Variants in SPTAN1 observed in about 807,000 individuals in gnomAD.
The protein encoded by SPTAN1 is spectrin alpha, non-erythrocytic 1.
In SPTAN1, 61 loss-of-function variants were observed where a neutral mutation model predicts 331.3. The ratio of observed to expected loss-of-function variants is 0.18; its 90% confidence interval spans 0.15 to 0.23. The LOEUF (loss-of-function observed/expected upper bound fraction) is 0.23. SPTAN1 is among the 10% of genes least tolerant of loss of function. The pLI is 1.00. For missense variants in SPTAN1, 2,043 were observed against 3,147.9 expected (o/e 0.65, Z 8.40); for synonymous variants, 1,153 against 1,173.9 (o/e 0.98, Z 0.36).
chr9:128,577,481 C>G lies in SPTAN1; in HGVS notation c.1060C>G (p.His354Asp). 1 of 1,614,096 alleles carries G rather than the reference C, an allele frequency of 6.2e-7. No individual in the cohort carries two copies. The change falls in exon 8 of 57, where the codon CAT (histidine) becomes GAT (aspartate). Residue 354 changes from histidine to aspartate, a missense_variant. Physicochemically the swap from His to Asp is moderately conservative, Grantham distance 81. Transcript: ENST00000372739. The surrounding 1 kb of genome is among the most constrained non-coding windows in gnomAD (Gnocchi z 4.2). ...GATCCGCACCTTGGCGGCAGAGAGA[C>G]ATGCACGGCTCAATGATTCATACAG... Reference protein sequence around the residue: ...EQIRTLAAERHARLNDSYRLQ... With the variant: ...EQIRTLAAERDARLNDSYRLQ...
At chr9:128,622,931 T>C (rs1858111440) in intron 45 of SPTAN1, among the ~76,000 whole-genome samples, 1 of 151,632 alleles carries the variant, frequency 6.6e-6, no homozygotes, top group Admixed American at 6.6e-5. Flanking sequence ...TTTTGTATTT[T>C]TATTAGAGAT....
At chr9:128,610,784 C>A (rs182591461) in intron 37 of SPTAN1, among the ~76,000 whole-genome samples, 126 of 152,256 alleles carry the variant, frequency 8.3e-4, no homozygotes, top group Non-Finnish European at 1.3e-3. Context: ...AAATAAATTC[C>A]TTCCTGCAGT....
intron 1 of SPTAN1, among the ~76,000 whole-genome samples, chr9:128,558,600 G>A (rs1475477608): frequency 6.6e-6 from 1 of 152,150 alleles, no homozygotes; most frequent in African/African-American, 2.4e-5. Flanking sequence ...ATTGGAGTTT[G>A]TTTTTTAATG....
chr9:128,633,377 C>G lies in SPTAN1; in HGVS notation c.*43C>G. 6.2e-7 allele frequency: 1 copy of G among 1,612,736 alleles called. No individual in the cohort carries two copies. Among genetic ancestry groups the G allele is most frequent in the Non-Finnish European group, 8.5e-7 (1 of 1,179,966 alleles). ...CCACCCCTCGCTGCTTGCCCTGCGT[C>G]GCCTTGCTGCATGTCCGCTCCTCTG... On this transcript the variant is annotated 3_prime_UTR_variant, in exon 57 of 57. Coordinates refer to ENST00000372739, the MANE Select transcript of SPTAN1 (RefSeq NM_001130438.3).
intron 29 of SPTAN1, among the ~76,000 whole-genome samples, chr9:128,604,666 T>C (rs1855590225): frequency 6.6e-6 from 1 of 152,208 alleles, no homozygotes; most frequent in Non-Finnish European, 1.5e-5. Flanking sequence ...GCGTGGTGGC[T>C]CATGCCTGTA....
intron 2 of SPTAN1, 96 bp from the exon 3 acceptor site, chr9:128,568,676 G>A: frequency 6.5e-7 from 1 of 1,540,068 alleles, no homozygotes; most frequent in Non-Finnish European, 8.9e-7. Context: ...ACTAGAGGGA[G>A]CAGGATTGAG....
At chr9:128,605,253 A>T (rs780369680) in intron 30 of SPTAN1, 43 bp from the exon 31 acceptor site, 1 of 1,613,966 alleles carries the variant, frequency 6.2e-7, no homozygotes, top group Non-Finnish European at 8.5e-7. Context: ...TCTGCAGAGC[A>T]TACCCCCTTA....
At chr9:128,615,864 A>C in intron 41 of SPTAN1, 24 bp downstream of exon 41, 1 of 1,613,286 alleles carries the variant, frequency 6.2e-7, no homozygotes, top group Non-Finnish European at 8.5e-7. Flanking sequence ...GCCCTCTAGA[A>C]GGCCCCTTAC....
chr9:128,574,004 C>T (rs144919243), intron 3 of SPTAN1, among the ~76,000 whole-genome samples: 9 of 152,304 alleles, frequency 5.9e-5, no homozygotes, highest in East Asian at 1.9e-4. Flanking sequence ...CTGCCCGCCT[C>T]GGCCTCCCAA....
chr9:128,579,800 G>A, intron 10 of SPTAN1, 62 bp downstream of exon 10: 2 of 1,319,576 alleles, frequency 1.5e-6, no homozygotes, highest in Non-Finnish European at 2.2e-6. Context: ...GTCTCTGAAA[G>A]CTATTATTCA....
At chr9:128,574,577 C>T (rs969967459) in intron 3 of SPTAN1, 98 bp from the exon 4 acceptor site, 45 of 1,361,604 alleles carry the variant, frequency 3.3e-5, no homozygotes, top group East Asian at 2.1e-4. Context: ...TTTTATTCAG[C>T]GCTCCATAAG....
chr9:128,582,989 C>A, intron 14 of SPTAN1, 88 bp from the exon 15 acceptor site: 1 of 1,574,796 alleles, frequency 6.4e-7, no homozygotes, highest in Non-Finnish European at 8.7e-7. Flanking sequence ...TTTATACATT[C>A]CTCCATAAAG....
intron 48 of SPTAN1, 146 bp from the exon 49 acceptor site, chr9:128,626,245 C>A: frequency 9.2e-7 from 1 of 1,087,584 alleles, no homozygotes; most frequent in Non-Finnish European, 1.4e-6. Context: ...GAAGGGGGAG[C>A]AGGAGACAGG....
chr9:128,606,500 G>GA (rs377659187), intron 31 of SPTAN1, among the ~76,000 whole-genome samples: 2 of 144,648 alleles, frequency 1.4e-5, no homozygotes, highest in Non-Finnish European at 3.0e-5. Flanking sequence ...TTTTTTTTGG[G>GA]GGGGGAAGCG....
In SPTAN1 at chr9:128,632,967, A is replaced by AG; in HGVS notation, c.7308+14dup. The AG allele has an allele frequency of 6.2e-7, 1 of 1,610,690 alleles. No homozygotes were observed. The highest frequency in any genetic ancestry group is 1.3e-5 in the African/African-American group (1 of 75,064). ...AGGAGCTCTACCAGGTATGGGCCTC[A>AG]GGAGGTGGGTGAAGAGGTGTCCTTT... On this transcript the variant is annotated intron_variant, in intron 56 of 56. Transcript: ENST00000372739.
chr9:128,615,182 A>G (rs577739348), intron 40 of SPTAN1, among the ~76,000 whole-genome samples: 1 of 152,362 alleles, frequency 6.6e-6, no homozygotes, highest in Non-Finnish European at 1.5e-5. Flanking sequence ...TGGACCGAGT[A>G]TCTGTGAGAT....
rs201923046 is a variant in SPTAN1, at chr9:128,607,811, A to G, written c.4147-41A>G. 5 of 1,613,184 alleles carry G rather than the reference A, an allele frequency of 3.1e-6. No individual in the cohort carries two copies. The East Asian group carries it at 8.9e-5, about 29-fold the overall frequency. ...GTCGGTGGTTGACGTCAGAGTGGGC[A>G]TCTGCTGCCAGTTACCTAATCCCTT... On this transcript the variant is annotated intron_variant, in intron 32 of 56. Coordinates refer to ENST00000372739, the MANE Select transcript of SPTAN1 (RefSeq NM_001130438.3).
Position 128,598,998 on chromosome 9 carries a change from G to C in SPTAN1, c.3543+12G>C, listed in dbSNP as rs376482975. The C allele has an allele frequency of 6.2e-7, 1 of 1,613,484 alleles. No homozygotes were observed. The highest frequency in any genetic ancestry group is 2.2e-5 in the East Asian group (1 of 44,882). Reference sequence around the variant, plus strand: ...GCATGATGCCCAGGGTAAGTTTCGGGTGCTGTGTGTGGATCTTGAACATGA... The same window carrying C: ...GCATGATGCCCAGGGTAAGTTTCGGCTGCTGTGTGTGGATCTTGAACATGA... On this transcript the variant is annotated intron_variant, in intron 26 of 56. Transcript: ENST00000372739.
Position 128,632,616 on chromosome 9 carries a change from T to G in SPTAN1, c.7058T>G (p.Phe2353Cys). Residue 2353 changes from phenylalanine to cysteine, a missense_variant, in exon 55 of 57, where the codon TTC (phenylalanine) becomes TGC (cysteine). Coordinates refer to ENST00000372739, the MANE Select transcript of SPTAN1 (RefSeq NM_001130438.3). ...DKSGRLNHQE[F>C]KSCLRSLGYD... ...TCTGGCAGGCTGAACCATCAGGAGT[T>G]CAAATCTTGCCTGCGCTCCCTGGGC... 1 of 1,614,042 alleles carries G rather than the reference T, an allele frequency of 6.2e-7. No homozygotes were observed. Among genetic ancestry groups the G allele is most frequent in the Non-Finnish European group, 8.5e-7 (1 of 1,180,032 alleles).
Sources: gnomAD v4.1 joint callset for allele counts (sites outside exome capture counted in the v4.1 genomes callset) on GRCh38, gnomAD v4.1.1 for gene constraint, Gnocchi (gnomAD v3.1) non-coding constraint, MANE v1.5 for transcripts, NCBI Gene and HGNC (gene_info 2026-07-23, HGNC 2026-07-21) for gene names.